EP300: variants seen among roughly 807,000 people sequenced by gnomAD.
EP300 encodes the protein histone acetyltransferase p300.
Under a neutral mutation model 264.0 loss-of-function variants are expected in EP300, and 31 were observed. The observed-to-expected ratio is 0.12, with a 90% CI of 0.09 to 0.16. EP300 has a LOEUF of 0.16. Ranked by LOEUF, EP300 falls within the 10% of genes least tolerant of loss-of-function variation. The pLI, the probability that EP300 is intolerant of heterozygous loss-of-function variation, is 1.00. For missense variants in EP300, 2,766 were observed against 3,052.9 expected (o/e 0.91, Z 2.21); for synonymous variants, 1,340 against 1,045.4 (o/e 1.28, Z -5.44).
chr22:41,120,936 A>G (rs1022902359), intron 2 of EP300, among the ~76,000 whole-genome samples: 9 of 152,126 alleles, frequency 5.9e-5, no homozygotes, highest in East Asian at 1.9e-4. Context: ...GCATCAAGCA[A>G]TCCACCTGCC....
chr22:41,168,883 A>C lies in EP300; in HGVS notation c.4172+16A>C, dbSNP rs777335301. 4 of 1,614,170 alleles carry C rather than the reference A, an allele frequency of 2.5e-6. No homozygotes were observed. In the Admixed American group the frequency reaches 6.7e-5, roughly 27 times the overall value. On this transcript the variant is annotated intron_variant, in intron 25 of 30. Transcript: ENST00000263253. ...CCAACCAGAGGTATGACTAGCTCAC[A>C]GTGGCTAGCTCCGGATTTGTGTGGG...
intron 17 of EP300, among the ~76,000 whole-genome samples, chr22:41,156,750 G>A (rs2059079689): frequency 6.6e-6 from 1 of 151,894 alleles, no homozygotes; most frequent in Non-Finnish European, 1.5e-5. Flanking sequence ...GCTTCCAGGG[G>A]CAAAAGCCTT....
chr22:41,174,411 A>C (rs1259088635), intron 29 of EP300, among the ~76,000 whole-genome samples: 1 of 152,196 alleles, frequency 6.6e-6, no homozygotes, highest in African/African-American at 2.4e-5. Flanking sequence ...ACTCTGTTTC[A>C]AAAAATAAAA....
intron 29 of EP300, among the ~76,000 whole-genome samples, 187 bp downstream of exon 29, chr22:41,173,971 A>G (rs1020856328): frequency 5.3e-5 from 8 of 152,108 alleles, no homozygotes; most frequent in Admixed American, 3.3e-4. Context: ...TTAGCTGGGC[A>G]TGGTGGCACA....
Position 41,170,839 on chromosome 22 carries a change from A to G in EP300, c.4452+268A>G, listed in dbSNP as rs996514617. ...ATCACACCCGGCTAAATTTTTTTGT[A>G]TTTTTAGTAGAGACGGGGTTTCACC... On this transcript the variant is annotated intron_variant, in intron 27 of 30. Coordinates refer to ENST00000263253, the MANE Select transcript of EP300 (RefSeq NM_001429.4). Among the ~76,000 whole-genome samples, 6 of 150,264 alleles carry G rather than the reference A, an allele frequency of 4.0e-5. No homozygotes were observed. The East Asian group carries it at 5.9e-4, about 15-fold the overall frequency.
chr22:41,128,957 A>G (rs1040888126), intron 4 of EP300, among the ~76,000 whole-genome samples: 2 of 152,118 alleles, frequency 1.3e-5, no homozygotes, highest in African/African-American at 4.8e-5. Context: ...GCCATAAACA[A>G]AATCAATTTT....
At chr22:41,113,309 T>G (rs956106543) in intron 1 of EP300, among the ~76,000 whole-genome samples, 1 of 152,154 alleles carries the variant, frequency 6.6e-6, no homozygotes, top group Non-Finnish European at 1.5e-5. Flanking sequence ...TAGTATTGCT[T>G]TATCTTTTAA....
At chr22:41,111,286 T>A (rs1187567903) in intron 1 of EP300, among the ~76,000 whole-genome samples, 1 of 152,198 alleles carries the variant, frequency 6.6e-6, no homozygotes, top group Non-Finnish European at 1.5e-5. Context: ...CTACATTATT[T>A]AAAAAATTAT....
chr22:41,125,554 C>G (rs977741437), intron 2 of EP300, among the ~76,000 whole-genome samples: 1 of 152,086 alleles, frequency 6.6e-6, no homozygotes, highest in African/African-American at 2.4e-5. Flanking sequence ...GTATGAGTCG[C>G]CAGGCCCGGC....
rs1287966635 is a variant in EP300 at position 41,176,418 on chromosome 22, A to G, written c.4951A>G (p.Thr1651Ala). Residue 1651 changes from threonine to alanine, a missense_variant, in exon 30 of 31, where the codon ACC becomes GCC. Thr to Ala is a moderately conservative substitution (Grantham distance 58). Coordinates refer to ENST00000263253, the MANE Select transcript of EP300 (RefSeq NM_001429.4). ...FSSLRRAQWS[T>A]MCMLVELHTQ... Reference sequence around the variant, plus strand: ...TTCACTCCGAAGAGCCCAGTGGTCCACCATGTGCATGCTGGTGGAGCTGCA... The same window carrying G: ...TTCACTCCGAAGAGCCCAGTGGTCCGCCATGTGCATGCTGGTGGAGCTGCA... 1 of 1,614,084 alleles carries G rather than the reference A, an allele frequency of 6.2e-7. No homozygotes were observed. The highest frequency in any genetic ancestry group is 1.3e-5 in the African/African-American group (1 of 74,920).
intron 11 of EP300, among the ~76,000 whole-genome samples, chr22:41,147,607 G>A (rs1018759723): frequency 4.0e-5 from 6 of 151,644 alleles, no homozygotes; most frequent in Non-Finnish European, 8.8e-5. Flanking sequence ...GTGTGGTGGC[G>A]GACGCCTGTA....
chr22:41,179,550 T>C lies in EP300; in HGVS notation c.*594T>C, dbSNP rs906322621. Reference sequence around the variant, plus strand: ...AAAATGTTTAAAAAAAAAAAAAAACTGCCTTTCTTCCCCTCAAGTCAACTT... The same window carrying C: ...AAAATGTTTAAAAAAAAAAAAAAACCGCCTTTCTTCCCCTCAAGTCAACTT... On this transcript the variant is annotated 3_prime_UTR_variant, in exon 31 of 31. Coordinates refer to ENST00000263253, the MANE Select transcript of EP300 (RefSeq NM_001429.4). The C allele has an allele frequency of 5.4e-6, 1 of 185,372 alleles. No individual in the cohort carries two copies. Among genetic ancestry groups the C allele is most frequent in the Non-Finnish European group, 1.1e-5 (1 of 90,960 alleles). 11.5% of individuals were successfully genotyped at this position (185,372 alleles called of 1,614,324 possible).
At chr22:41,134,050 C>T (rs976246385) in intron 6 of EP300, among the ~76,000 whole-genome samples, 1 of 152,094 alleles carries the variant, frequency 6.6e-6, no homozygotes, top group African/African-American at 2.4e-5. Context: ...CTATTTTAGA[C>T]AGTTGTGCTA....
chr22:41,099,654 C>T (rs948380710), intron 1 of EP300, among the ~76,000 whole-genome samples: 1 of 152,080 alleles, frequency 6.6e-6, no homozygotes. Flanking sequence ...CTTATTAAGT[C>T]AAGAACTTTC....
At chr22:41,118,199 G>A (rs187959107) in intron 2 of EP300, among the ~76,000 whole-genome samples, 2 of 152,086 alleles carry the variant, frequency 1.3e-5, no homozygotes, top group African/African-American at 4.8e-5. Context: ...AATGTCCCTG[G>A]TTTTCAAGAG....
chr22:41,179,881 CACACACA>C lies in EP300; in HGVS notation c.*926_*932del, dbSNP rs1432872813. On this transcript the variant is annotated 3_prime_UTR_variant, in exon 31 of 31. Coordinates refer to ENST00000263253, the MANE Select transcript of EP300 (RefSeq NM_001429.4). ...CTTCCTCCTTACCCTACCCCCCACTCACACACACACACACACACACACACACACACAC... is the reference window on the plus strand; with the variant it reads ...CTTCCTCCTTACCCTACCCCCCACTCCACACACACACACACACACACACAC... The C allele has an allele frequency of 1.1e-4, 1 of 8,826 alleles. No homozygotes were observed. Among genetic ancestry groups the C allele is most frequent in the East Asian group, 3.7e-3 (1 of 268 alleles). 0.5% of individuals were successfully genotyped at this position (8,826 alleles called of 1,614,324 possible).
At chr22:41,156,756 G>A (rs927454210) in intron 17 of EP300, among the ~76,000 whole-genome samples, 1 of 151,922 alleles carries the variant, frequency 6.6e-6, no homozygotes, top group Non-Finnish European at 1.5e-5. Flanking sequence ...AGGGGCAAAA[G>A]CCTTTTAGGA....
At position 41,178,682 on chromosome 22, in the gene EP300, A is replaced by G. The variant is rs767644624; in HGVS notation, c.6971A>G (p.His2324Arg). Residue 2324 changes from histidine to arginine, a missense_variant, in exon 31 of 31, where the codon CAC becomes CGC. By Grantham distance (29) the His-to-Arg change is conservative. Coordinates refer to ENST00000263253, the MANE Select transcript of EP300 (RefSeq NM_001429.4). ...PSPRPQSQPPHSSPSPRMQPQ... is the reference protein window; with the variant it reads ...PSPRPQSQPPRSSPSPRMQPQ... ...CCACGGCCACAGTCCCAGCCCCCCCACTCCAGTCCTTCCCCAAGGATGCAG... is the reference window on the plus strand; with the variant it reads ...CCACGGCCACAGTCCCAGCCCCCCCGCTCCAGTCCTTCCCCAAGGATGCAG... The G allele has an allele frequency of 6.2e-6, 10 of 1,612,728 alleles. No homozygotes were observed. Among genetic ancestry groups the G allele is most frequent in the Non-Finnish European group, 8.5e-6 (10 of 1,179,706 alleles).
At chr22:41,170,307 T>A (rs983324468) in intron 26 of EP300, 99 bp from the exon 27 acceptor site, 6 of 1,173,528 alleles carry the variant, frequency 5.1e-6, no homozygotes, top group African/African-American at 3.0e-5. Flanking sequence ...TTGGGAAAAA[T>A]TATTGGTATC....
Sources: allele counts gnomAD v4.1 joint callset (sites outside exome capture counted in the v4.1 genomes callset), GRCh38; gene constraint gnomAD v4.1.1; transcripts MANE v1.5; gene names NCBI Gene and HGNC (gene_info 2026-07-23, HGNC 2026-07-21).